The following NRXN1 variants were observed in gnomAD, a reference collection of about 807,000 sequenced individuals.
The protein encoded by NRXN1 is neurexin-1.
NRXN1 carries 39 observed loss-of-function variants against 150.9 expected under a neutral mutation model. The ratio of observed to expected loss-of-function variants is 0.26; its 90% confidence interval spans 0.20 to 0.34. The LOEUF (loss-of-function observed/expected upper bound fraction) is 0.34. NRXN1 is among the 10% of genes least tolerant of loss of function. The pLI is 1.00. For missense variants in NRXN1, 1,815 were observed against 1,949.9 expected (o/e 0.93, Z 1.30); for synonymous variants, 924 against 757.0 (o/e 1.22, Z -3.62).
intron 21 of NRXN1, among the ~76,000 whole-genome samples, chr2:49,998,394 G>A (rs1683340892): frequency 6.6e-6 from 1 of 152,116 alleles, no homozygotes; most frequent in East Asian, 1.9e-4. Flanking sequence ...TAAAATGTGT[G>A]TAATGAATTC....
chr2:50,606,351 T>C (rs909176985), intron 8 of NRXN1, among the ~76,000 whole-genome samples: 1 of 150,362 alleles, frequency 6.7e-6, no homozygotes, highest in Non-Finnish European at 1.5e-5. Context: ...CACAGAAAGA[T>C]AAATACTGCA....
chr2:50,544,259 C>G (rs1205608392), intron 9 of NRXN1, among the ~76,000 whole-genome samples: 1 of 151,646 alleles, frequency 6.6e-6, no homozygotes, highest in Admixed American at 6.6e-5. Flanking sequence ...ACAACATTGA[C>G]AATAGGGTAT....
chr2:51,011,932 A>G (rs949933934), intron 2 of NRXN1, among the ~76,000 whole-genome samples: 1 of 152,002 alleles, frequency 6.6e-6, no homozygotes, highest in African/African-American at 2.4e-5. Context: ...AAATAGCATA[A>G]TATCAATAGA....
At position 51,026,361 on chromosome 2, in the gene NRXN1, A is replaced by G. The variant is rs1285293661; in HGVS notation, c.772+1141T>C. The G allele has an allele frequency of 6.5e-7, 1 of 1,549,664 alleles. No individual in the cohort carries two copies. Among genetic ancestry groups the G allele is most frequent in the African/African-American group, 1.4e-5 (1 of 73,832 alleles). ...GCCACTGATTCGTCTTTTTCACACCACTCACTCACTTTCTGTTAGAGGCTT... is the reference window on the plus strand; with the variant it reads ...GCCACTGATTCGTCTTTTTCACACCGCTCACTCACTTTCTGTTAGAGGCTT... On this transcript the variant is annotated intron_variant, in intron 2 of 22. Coordinates refer to ENST00000401669, the MANE Select transcript of NRXN1 (RefSeq NM_001330078.2).
At chr2:50,143,814 C>T (rs1346726802) in intron 18 of NRXN1, among the ~76,000 whole-genome samples, 1 of 151,786 alleles carries the variant, frequency 6.6e-6, no homozygotes, top group African/African-American at 2.4e-5. Context: ...AATGTTTGCC[C>T]AGCGTAATTG....
intron 18 of NRXN1, among the ~76,000 whole-genome samples, chr2:50,219,040 T>C (rs2063603318): frequency 1.3e-5 from 2 of 152,002 alleles, no homozygotes; most frequent in Admixed American, 6.6e-5. Flanking sequence ...CCAGTGGCTA[T>C]GGGTTTTATT....
chr2:50,669,201 T>A (rs530168502), intron 5 of NRXN1, among the ~76,000 whole-genome samples: 1 of 152,090 alleles, frequency 6.6e-6, no homozygotes, highest in East Asian at 1.9e-4. Flanking sequence ...CTTACTTTAG[T>A]TCGACCCCGG....
intron 21 of NRXN1, among the ~76,000 whole-genome samples, chr2:50,015,516 CAAAAAAAA>C (rs34466037): frequency 3.2e-5 from 1 of 31,288 alleles, no homozygotes; most frequent in Non-Finnish European, 6.0e-5. Context: ...GGATTTCTGC[CAAAAAAAA>C]AAAAAAAAAA....
chr2:50,400,999 GAAGTGCCCACTCTA>G (rs1307019436), intron 17 of NRXN1, among the ~76,000 whole-genome samples: 1 of 152,132 alleles, frequency 6.6e-6, no homozygotes, highest in East Asian at 1.9e-4. Context: ...ACTGCACTGA[GAAGTGCCCACTCTA>G]ATAATGAAAT....
intron 5 of NRXN1, among the ~76,000 whole-genome samples, chr2:50,891,025 A>G (rs1385267643): frequency 1.3e-5 from 2 of 152,018 alleles, no homozygotes; most frequent in Non-Finnish European, 2.9e-5. Context: ...TACATGGTCA[A>G]TATTTTACTA....
intron 21 of NRXN1, among the ~76,000 whole-genome samples, chr2:49,952,757 T>C (rs909806975): frequency 1.3e-5 from 2 of 152,090 alleles, no homozygotes; most frequent in Admixed American, 1.3e-4. Context: ...TTAAAATCCT[T>C]CCAACTTCCA....
At chr2:50,911,533 A>G (rs1027235762) in intron 5 of NRXN1, among the ~76,000 whole-genome samples, 1 of 151,986 alleles carries the variant, frequency 6.6e-6, no homozygotes, top group African/African-American at 2.4e-5. Context: ...TTTTGTACAT[A>G]CAACATATTC....
chr2:50,069,223 A>G (rs998587504), intron 19 of NRXN1, among the ~76,000 whole-genome samples: 1 of 152,184 alleles, frequency 6.6e-6, no homozygotes. Context: ...GAATGCCTTA[A>G]CTCTTCTTTT....
At chr2:50,955,857 T>A (rs1692197349) in intron 2 of NRXN1, among the ~76,000 whole-genome samples, 1 of 152,178 alleles carries the variant, frequency 6.6e-6, no homozygotes, top group Admixed American at 6.5e-5. Flanking sequence ...TATAAATGAA[T>A]AAATTATACA....
intron 15 of NRXN1, among the ~76,000 whole-genome samples, chr2:50,490,537 G>A (rs2091191122): frequency 1.3e-5 from 2 of 152,174 alleles, no homozygotes; most frequent in Non-Finnish European, 2.9e-5. Flanking sequence ...CCCTGTACTG[G>A]GGGGAATTGG....
rs1008665456 is a variant in NRXN1 at position 50,527,401 on chromosome 2, G to A, written c.2374+1224C>T. On this transcript the variant is annotated intron_variant, in intron 12 of 22. Transcript: ENST00000401669. ...AGATTACATATATTTGAAAAATTCC[G>A]CTTACGTGAGAGCTTTGACAGGTTA... is the stretch of plus-strand genomic sequence containing the variant. 7.2e-4 allele frequency among the ~76,000 whole-genome samples: 109 copies of A among 152,236 alleles called. 1 individual carries two copies. Among genetic ancestry groups the A allele is most frequent in the African/African-American group, 2.6e-3 (106 of 41,546 alleles).
At position 50,420,691 on chromosome 2, in the gene NRXN1, AT is replaced by A. The variant is rs1254186761; in HGVS notation, c.3364+44750del. On this transcript the variant is annotated intron_variant, in intron 17 of 22. Transcript: ENST00000401669. ...TGTGTGATAAAGTACAGCTCATGAAATCCACATAATTTTCTGGTTGTTCGTA... is the reference window on the plus strand; with the variant it reads ...TGTGTGATAAAGTACAGCTCATGAAACCACATAATTTTCTGGTTGTTCGTA... Among the ~76,000 whole-genome samples, 9 of 152,132 alleles carry A rather than the reference AT, an allele frequency of 5.9e-5. No individual in the cohort carries two copies. The East Asian group carries it at 1.7e-3, about 29-fold the overall frequency.
At chr2:50,144,873 AAC>A (rs1156712645) in intron 18 of NRXN1, among the ~76,000 whole-genome samples, 173 of 151,860 alleles carry the variant, frequency 1.1e-3, no homozygotes, top group African/African-American at 4.0e-3. Flanking sequence ...ATTTACCTAT[AAC>A]CAAGGTGTCT....
At chr2:50,635,696 A>T (rs1313484312) in intron 5 of NRXN1, among the ~76,000 whole-genome samples, 1 of 152,138 alleles carries the variant, frequency 6.6e-6, no homozygotes, top group African/African-American at 2.4e-5. Context: ...CTTCATTAAC[A>T]ATATGTTTTA....
Sources: gnomAD v4.1 joint callset for allele counts (sites outside exome capture counted in the v4.1 genomes callset) on GRCh38, gnomAD v4.1.1 for gene constraint, MANE v1.5 for transcripts, NCBI Gene and HGNC (gene_info 2026-07-23, HGNC 2026-07-21) for gene names.